The following RASAL2 variants were observed in gnomAD, a reference collection of about 807,000 sequenced individuals.
RASAL2 encodes ras GTPase-activating protein nGAP.
RASAL2 carries 58 observed loss-of-function variants against 128.9 expected under a neutral mutation model. The observed-to-expected ratio is 0.45, with a 90% confidence interval of 0.36 to 0.56. The LOEUF is 0.56. Among genes scored for constraint, RASAL2 ranks in the 20% least tolerant of loss-of-function variants. RASAL2 has a pLI of 0.00. For missense variants in RASAL2, 1,360 were observed against 1,601.6 expected (o/e 0.85, Z 2.57); for synonymous variants, 561 against 580.8 (o/e 0.97, Z 0.49).
chr1:178,137,310 C>T (rs538879178), intron 1 of RASAL2, among the ~76,000 whole-genome samples: 2 of 152,262 alleles, frequency 1.3e-5, no homozygotes, highest in African/African-American at 4.8e-5. Flanking sequence ...GGGTCTGAGA[C>T]AGAACTTTCC....
intron 3 of RASAL2, among the ~76,000 whole-genome samples, chr1:178,363,683 G>A (rs1467494309): frequency 6.6e-6 from 1 of 152,128 alleles, no homozygotes; most frequent in East Asian, 1.9e-4. Flanking sequence ...CAAATATTAA[G>A]CACTTACTAT....
At chr1:178,202,180 G>A (rs1313186138) in intron 1 of RASAL2, among the ~76,000 whole-genome samples, 1 of 152,176 alleles carries the variant, frequency 6.6e-6, no homozygotes, top group African/African-American at 2.4e-5. Flanking sequence ...GCTCAGGTTT[G>A]ACTTACAGTA....
intron 5 of RASAL2, among the ~76,000 whole-genome samples, chr1:178,434,715 C>T (rs2102811790): frequency 6.6e-6 from 1 of 151,516 alleles, no homozygotes; most frequent in Non-Finnish European, 1.5e-5. Flanking sequence ...CAAGTCTTTG[C>T]ACATAAGTAG....
At chr1:178,377,414 A>G (rs1211836453) in intron 3 of RASAL2, among the ~76,000 whole-genome samples, 1 of 149,508 alleles carries the variant, frequency 6.7e-6, no homozygotes, top group South Asian at 2.1e-4. Context: ...AGGAAGAGGA[A>G]AAAGAAAACA....
At chr1:178,107,958 T>G (rs1360622164) in intron 1 of RASAL2, among the ~76,000 whole-genome samples, 1 of 152,192 alleles carries the variant, frequency 6.6e-6, no homozygotes, top group Non-Finnish European at 1.5e-5. Flanking sequence ...CTTTCCATTC[T>G]TATATACCTA....
At chr1:178,221,879 T>C (rs1052754947) in intron 1 of RASAL2, among the ~76,000 whole-genome samples, 1 of 152,224 alleles carries the variant, frequency 6.6e-6, no homozygotes, top group Non-Finnish European at 1.5e-5. Flanking sequence ...ACTGTAATAC[T>C]GGATTCATGT....
Position 178,094,343 on chromosome 1 carries a change from A to G in RASAL2, c.-150A>G, listed in dbSNP as rs1658582437. On this transcript the variant is annotated 5_prime_UTR_variant, in exon 1 of 18. Coordinates refer to ENST00000367649, the MANE Select transcript of RASAL2 (RefSeq NM_170692.4). ...GAGCCTCGGGCAGTGGGCGACGGGG[A>G]AGGAGGTGAGAGGTGTCCGCGCCGG... The G allele has an allele frequency of 1.5e-6, 1 of 677,972 alleles. No homozygotes were observed. Among genetic ancestry groups the G allele is most frequent in the Non-Finnish European group, 2.3e-6 (1 of 429,884 alleles). 42.0% of individuals were successfully genotyped at this position (677,972 alleles called of 1,614,324 possible). A position where few individuals can be genotyped will look rare whatever the true frequency, so the allele number is the denominator to read the frequency against.
intron 3 of RASAL2, among the ~76,000 whole-genome samples, chr1:178,357,716 T>C (rs990346033): frequency 6.6e-6 from 1 of 152,210 alleles, no homozygotes; most frequent in African/African-American, 2.4e-5. Context: ...ATACACATTT[T>C]TAAATTTTAG....
chr1:178,222,883 C>T (rs1663660275), intron 1 of RASAL2, among the ~76,000 whole-genome samples: 1 of 152,114 alleles, frequency 6.6e-6, no homozygotes, highest in African/African-American at 2.4e-5. Flanking sequence ...CCTTATCCTC[C>T]TGTTTCACAT....
intron 1 of RASAL2, among the ~76,000 whole-genome samples, chr1:178,168,953 GT>G (rs1174261234): frequency 6.6e-6 from 1 of 152,058 alleles, no homozygotes; most frequent in Non-Finnish European, 1.5e-5. Context: ...CTGCAAAACT[GT>G]TTTTATGTAA....
At chr1:178,157,073 G>T (rs1160265141) in intron 1 of RASAL2, among the ~76,000 whole-genome samples, 2 of 151,988 alleles carry the variant, frequency 1.3e-5, no homozygotes, top group African/African-American at 4.8e-5. Context: ...CATTTGGTGG[G>T]CTTTGACTGT....
At chr1:178,344,684 AAGG>A (rs1670056464) in intron 3 of RASAL2, among the ~76,000 whole-genome samples, 1 of 152,058 alleles carries the variant, frequency 6.6e-6, no homozygotes, top group Non-Finnish European at 1.5e-5. Context: ...TTGTAGTGAG[AAGG>A]AGAAGGAGGT....
intron 1 of RASAL2, among the ~76,000 whole-genome samples, chr1:178,112,795 A>C (rs1659379616): frequency 6.7e-6 from 1 of 148,574 alleles, no homozygotes; most frequent in Non-Finnish European, 1.5e-5. Flanking sequence ...GCTTTGGGAG[A>C]TATACCTAAT....
At chr1:178,466,642 C>T (rs374235914) in intron 16 of RASAL2, among the ~76,000 whole-genome samples, 2 of 152,166 alleles carry the variant, frequency 1.3e-5, no homozygotes, top group African/African-American at 2.4e-5. Flanking sequence ...CCTCCACCTA[C>T]GCATTATTAT....
chr1:178,384,728 A>C (rs969412588), intron 3 of RASAL2, among the ~76,000 whole-genome samples: 1 of 151,880 alleles, frequency 6.6e-6, no homozygotes, highest in African/African-American at 2.4e-5. Context: ...ATTATAATAA[A>C]ACTATTTTCC....
At chr1:178,191,671 T>G (rs1184615356) in intron 1 of RASAL2, among the ~76,000 whole-genome samples, 3 of 152,222 alleles carry the variant, frequency 2.0e-5, no homozygotes, top group African/African-American at 7.2e-5. Flanking sequence ...CAAGCTGACT[T>G]GGGTAATTCC....
At chr1:178,276,191 G>A (rs1013654855) in intron 1 of RASAL2, among the ~76,000 whole-genome samples, 1 of 152,144 alleles carries the variant, frequency 6.6e-6, no homozygotes, top group African/African-American at 2.4e-5. Flanking sequence ...TCAGGACAAA[G>A]CAAAGTTCAC....
chr1:178,339,931 TC>T (rs1669780772), intron 3 of RASAL2, among the ~76,000 whole-genome samples: 1 of 152,156 alleles, frequency 6.6e-6, no homozygotes, highest in Non-Finnish European at 1.5e-5. Context: ...AAAGATCTCT[TC>T]CGGTTCTGGG....
intron 4 of RASAL2, among the ~76,000 whole-genome samples, chr1:178,409,094 A>G (rs1674186342): frequency 6.6e-6 from 1 of 152,184 alleles, no homozygotes; most frequent in African/African-American, 2.4e-5. Flanking sequence ...AGAGAGAGCA[A>G]GCGGGGAACT....
Sources: allele counts gnomAD v4.1 joint callset (sites outside exome capture counted in the v4.1 genomes callset), GRCh38; gene constraint gnomAD v4.1.1; transcripts MANE v1.5; gene names NCBI Gene and HGNC (gene_info 2026-07-23, HGNC 2026-07-21).